Variants in GRIK4 observed in about 807,000 individuals in gnomAD.
The protein encoded by GRIK4 is glutamate ionotropic receptor kainate type subunit 4, also known as glutamate receptor ionotropic, kainate 4.
A neutral mutation model predicts 104.9 loss-of-function variants in GRIK4; 40 were observed. The ratio of observed to expected loss-of-function variants is 0.38; its 90% confidence interval spans 0.30 to 0.50. The LOEUF is 0.50. Among genes scored for constraint, GRIK4 ranks in the 20% least tolerant of loss-of-function variants. The pLI is 0.93. For missense variants in GRIK4, 1,047 were observed against 1,308.1 expected, an observed-to-expected ratio of 0.80 and a Z score of 3.08; for synonymous variants, 485 against 524.9, an observed-to-expected ratio of 0.92 and a Z score of 1.04.
At chr11:120,827,601 T>C (rs1953301655) in intron 6 of GRIK4, among the ~76,000 whole-genome samples, 1 of 152,226 alleles carries the variant, frequency 6.6e-6, no homozygotes, top group South Asian at 2.1e-4. Flanking sequence ...GTGAGGAGAA[T>C]GACAATTCGA....
intron 3 of GRIK4, among the ~76,000 whole-genome samples, chr11:120,765,121 AT>A (rs1454876427): frequency 6.6e-6 from 1 of 152,000 alleles, no homozygotes; most frequent in Non-Finnish European, 1.5e-5. Flanking sequence ...GTCTTTTCTT[AT>A]AGTCCCATAT....
At chr11:120,872,088 G>C (rs1049145976) in intron 9 of GRIK4, 4 of 365,294 alleles carry the variant, frequency 1.1e-5, no homozygotes, top group African/African-American at 2.1e-5. Flanking sequence ...CTGAGCACCT[G>C]CTAACATCTG....
At chr11:120,588,804 A>G (rs1481087439) in intron 1 of GRIK4, among the ~76,000 whole-genome samples, 1 of 152,122 alleles carries the variant, frequency 6.6e-6, no homozygotes, top group African/African-American at 2.4e-5. Context: ...CACGCCCTGT[A>G]GCCCCCAATT....
At chr11:120,908,428 CACACACACAT>C (rs1466456679) in intron 13 of GRIK4, among the ~76,000 whole-genome samples, 15 of 101,306 alleles carry the variant, frequency 1.5e-4, no homozygotes, top group Middle Eastern at 5.1e-3. Flanking sequence ...AAATAACACA[CACACACACAT>C]ACACACACAC....
chr11:120,862,722 C>T (rs1401673599), intron 9 of GRIK4, among the ~76,000 whole-genome samples: 2 of 152,130 alleles, frequency 1.3e-5, no homozygotes, highest in Non-Finnish European at 2.9e-5. Context: ...GTGACGGGAG[C>T]AAACCTTTCC....
At chr11:120,743,162 G>A (rs927237820) in intron 3 of GRIK4, among the ~76,000 whole-genome samples, 3 of 151,800 alleles carry the variant, frequency 2.0e-5, no homozygotes, top group African/African-American at 2.4e-5. Flanking sequence ...CCCAGGAGGC[G>A]GAGGCTGCAG....
chr11:120,831,757 T>C, intron 6 of GRIK4, 95 bp from the exon 7 acceptor site: 1 of 915,610 alleles, frequency 1.1e-6, no homozygotes, highest in Non-Finnish European at 1.7e-6. Flanking sequence ...CGACCCCACT[T>C]CCAGCCCACA....
chr11:120,823,100 G>T (rs984228535), intron 6 of GRIK4, among the ~76,000 whole-genome samples: 1 of 148,692 alleles, frequency 6.7e-6, no homozygotes, highest in Non-Finnish European at 1.5e-5. Flanking sequence ...ACACAGCGGG[G>T]TTGTTAAGAG....
chr11:120,714,155 G>T (rs140818896), intron 3 of GRIK4, among the ~76,000 whole-genome samples: 1 of 152,340 alleles, frequency 6.6e-6, no homozygotes, highest in East Asian at 1.9e-4. Flanking sequence ...GACACCATGT[G>T]GATGCAAAAG....
At chr11:120,519,686 A>G (rs186314048) in intron 1 of GRIK4, among the ~76,000 whole-genome samples, 9 of 152,330 alleles carry the variant, frequency 5.9e-5, no homozygotes, top group Admixed American at 6.5e-5. Flanking sequence ...TCATTAGCCC[A>G]AAGTCCCATA....
intron 4 of GRIK4, among the ~76,000 whole-genome samples, chr11:120,812,749 T>C (rs1241966586): frequency 6.6e-6 from 1 of 152,188 alleles, no homozygotes; most frequent in African/African-American, 2.4e-5. Context: ...GGGAAGGCCC[T>C]GTGGCAACGT....
intron 1 of GRIK4, among the ~76,000 whole-genome samples, chr11:120,605,736 C>T (rs923264275): frequency 2.6e-5 from 4 of 152,236 alleles, no homozygotes; most frequent in African/African-American, 9.6e-5. Context: ...CCTTCAGCCA[C>T]GCTGGGCACA....
chr11:120,514,213 T>C (rs1947696215), intron 1 of GRIK4, among the ~76,000 whole-genome samples: 1 of 152,110 alleles, frequency 6.6e-6, no homozygotes, highest in Admixed American at 6.6e-5. Flanking sequence ...GAAGGATGCA[T>C]CTCTTGGTGC....
intron 1 of GRIK4, among the ~76,000 whole-genome samples, chr11:120,534,256 G>A (rs1166171010): frequency 6.6e-6 from 1 of 152,204 alleles, no homozygotes; most frequent in African/African-American, 2.4e-5. Context: ...CCAAGACACT[G>A]GAGATGGGAG....
chr11:120,544,335 A>G (rs550210846), intron 1 of GRIK4, among the ~76,000 whole-genome samples: 19 of 152,074 alleles, frequency 1.2e-4, no homozygotes, highest in African/African-American at 4.6e-4. Context: ...TACTATTTTT[A>G]TACTTTTTTT....
intron 3 of GRIK4, among the ~76,000 whole-genome samples, chr11:120,785,736 A>C (rs559110379): frequency 4.5e-4 from 68 of 152,306 alleles, no homozygotes; most frequent in Admixed American, 1.6e-3. Flanking sequence ...CGGTTTACAC[A>C]GCAGTCCCGT....
At chr11:120,594,058 A>C (rs767635680) in intron 1 of GRIK4, among the ~76,000 whole-genome samples, 30 of 152,084 alleles carry the variant, frequency 2.0e-4, no homozygotes, top group Non-Finnish European at 4.1e-4. Context: ...TTCTCCTTCC[A>C]CTTCTCTTGT....
At chr11:120,520,722 GA>G (rs1482854496) in intron 1 of GRIK4, among the ~76,000 whole-genome samples, 1 of 152,238 alleles carries the variant, frequency 6.6e-6, no homozygotes, top group East Asian at 1.9e-4. Context: ...AGTGGAATCT[GA>G]CTGGGGTCTT....
At chr11:120,680,789 T>G (rs574337305) in intron 3 of GRIK4, among the ~76,000 whole-genome samples, 2 of 152,144 alleles carry the variant, frequency 1.3e-5, no homozygotes, top group African/African-American at 4.8e-5. Flanking sequence ...AGCTGGATAT[T>G]TGTCTTTGAG....
Sources: gnomAD v4.1 joint callset for allele counts (sites outside exome capture counted in the v4.1 genomes callset) on GRCh38, gnomAD v4.1.1 for gene constraint, MANE v1.5 for transcripts, NCBI Gene and HGNC (gene_info 2026-07-23, HGNC 2026-07-21) for gene names.